TRIM51G: variants seen among roughly 807,000 people sequenced by gnomAD.
TRIM51G encodes the protein tripartite motif-containing 51G, also known as tripartite motif-containing protein 51G.
chr11:48,979,064 T>C, the TRIM51G span: 1 of 852,760 alleles, frequency 1.2e-6, no homozygotes, highest in Non-Finnish European at 2.1e-6. Context: ...TCTTATGATA[T>C]TCAGCTCTGA....
chr11:48,979,525 T>C, the TRIM51G span, among the ~76,000 whole-genome samples: 1 of 152,120 alleles, frequency 6.6e-6, no homozygotes, highest in Non-Finnish European at 1.5e-5. Context: ...TCAATGCATT[T>C]CACCCAGCAT....
the TRIM51G span, chr11:48,980,897 A>G: frequency 1.1e-4 from 53 of 483,884 alleles, no homozygotes; most frequent in African/African-American, 9.9e-4. Context: ...AGAGTAACAC[A>G]CTACTAACCT....
the TRIM51G span, chr11:48,975,888 A>C: frequency 1.2e-6 from 1 of 821,712 alleles, no homozygotes; most frequent in Non-Finnish European, 2.1e-6. Context: ...ATTCAGATTT[A>C]TCAGTGATAT....
At chr11:48,980,867 C>T in the TRIM51G span, 7 of 467,904 alleles carry the variant, frequency 1.5e-5, no homozygotes, top group African/African-American at 6.0e-5. Flanking sequence ...ATTTGTTCAC[C>T]ATAAGTTCCT....
At chr11:48,977,007 G>C in the TRIM51G span, 1 of 635,560 alleles carries the variant, frequency 1.6e-6, no homozygotes, top group Non-Finnish European at 2.9e-6. Flanking sequence ...AAGATTTGAC[G>C]AAGGGTAAAA....
At chr11:48,979,277 C>T in the TRIM51G span, among the ~76,000 whole-genome samples, 1 of 152,050 alleles carries the variant, frequency 6.6e-6, no homozygotes, top group African/African-American at 2.4e-5. Flanking sequence ...GTTGTTTCTG[C>T]CCAGTTATAT....
the TRIM51G span, chr11:48,978,813 G>T: frequency 1.3e-6 from 1 of 787,126 alleles, no homozygotes; most frequent in African/African-American, 1.7e-5. Flanking sequence ...TCAGGAGAGA[G>T]GTAAAACACC....
the TRIM51G span, among the ~76,000 whole-genome samples, chr11:48,982,376 C>T: frequency 6.6e-6 from 1 of 151,996 alleles, no homozygotes; most frequent in Admixed American, 6.6e-5. Context: ...AATTATATTA[C>T]TGTGGTATTA....
the TRIM51G span, among the ~76,000 whole-genome samples, chr11:48,979,595 G>A: frequency 1.3e-5 from 2 of 152,048 alleles, no homozygotes; most frequent in East Asian, 1.9e-4. Flanking sequence ...CGGCTACATG[G>A]ACATCTTTGT....
the TRIM51G span, chr11:48,978,754 G>A: frequency 2.0e-5 from 11 of 560,130 alleles, no homozygotes; most frequent in Middle Eastern, 1.0e-3. Flanking sequence ...ATTAGTTATA[G>A]AATCGTGTTT....
At chr11:48,983,305 A>G in the TRIM51G span, among the ~76,000 whole-genome samples, 1 of 147,194 alleles carries the variant, frequency 6.8e-6, no homozygotes, top group Non-Finnish European at 1.5e-5. Context: ...CATTTTGGAG[A>G]GCATTCTTAT....
the TRIM51G span, among the ~76,000 whole-genome samples, chr11:48,976,619 T>G: frequency 1.3e-5 from 2 of 152,184 alleles, no homozygotes; most frequent in South Asian, 4.1e-4. Flanking sequence ...TATTTTTTCT[T>G]TTTATATATT....
chr11:48,977,066 C>T, the TRIM51G span: 8 of 888,104 alleles, frequency 9.0e-6, no homozygotes, highest in South Asian at 2.7e-5. Flanking sequence ...GGGAATTTTG[C>T]CAATGGGCTG....
At chr11:48,975,838 T>G in the TRIM51G span, 15 of 1,277,386 alleles carry the variant, frequency 1.2e-5, no homozygotes, top group African/African-American at 2.2e-4. Context: ...CCAATAAAAT[T>G]TGCCAGATAT....
the TRIM51G span, among the ~76,000 whole-genome samples, chr11:48,980,522 G>A: frequency 1.3e-5 from 2 of 152,100 alleles, no homozygotes; most frequent in Admixed American, 1.3e-4. Flanking sequence ...TTGCCCACCA[G>A]CATTCAATTT....
chr11:48,979,068 G>T, the TRIM51G span: 1 of 834,228 alleles, frequency 1.2e-6, no homozygotes, highest in Non-Finnish European at 2.1e-6. Flanking sequence ...ATGATATTCA[G>T]CTCTGATTGC....
the TRIM51G span, chr11:48,976,999 G>T: frequency 1.6e-6 from 1 of 626,946 alleles, no homozygotes; most frequent in Non-Finnish European, 2.9e-6. Flanking sequence ...ATGAAATAAA[G>T]ATTTGACGAA....
At chr11:48,979,356 C>T in the TRIM51G span, among the ~76,000 whole-genome samples, 1 of 152,122 alleles carries the variant, frequency 6.6e-6, no homozygotes, top group Non-Finnish European at 1.5e-5. Context: ...TTCCACACCA[C>T]ATTTATAGAA....
At chr11:48,975,811 T>A in the TRIM51G span, 52 of 1,487,982 alleles carry the variant, frequency 3.5e-5, no homozygotes, top group Non-Finnish European at 4.8e-5. Flanking sequence ...ATTCCAAGAG[T>A]GCCCCATGTT....
Sources: gnomAD v4.1 joint callset for allele counts (sites outside exome capture counted in the v4.1 genomes callset) on GRCh38, gnomAD v4.1.1 for gene constraint, MANE v1.5 for transcripts, NCBI Gene and HGNC (gene_info 2026-07-23, HGNC 2026-07-21) for gene names.